HTRA3: variants seen among roughly 807,000 people sequenced by gnomAD.
The protein encoded by HTRA3 is HtrA serine peptidase 3.
In HTRA3, 41 loss-of-function variants were observed where a neutral mutation model predicts 43.2. The ratio of observed to expected loss-of-function variants is 0.95; its 90% CI spans 0.74 to 1.23. HTRA3 has a LOEUF of 1.23. Among genes scored for constraint, HTRA3 ranks in the 50% most tolerant of loss-of-function variants. HTRA3 has a pLI of 0.00. For missense variants in HTRA3, 628 were observed against 647.1 expected, an observed-to-expected ratio of 0.97 and a Z score of 0.32; for synonymous variants, 295 against 287.9, an observed-to-expected ratio of 1.02 and a Z score of -0.25.
chr4:8,292,191 C>T lies in HTRA3; in HGVS notation c.904-130C>T, dbSNP rs1713273221. 2.2e-5 allele frequency: 16 copies of T among 725,580 alleles called. No homozygotes were observed. The South Asian group carries it at 2.5e-4, about 12-fold the overall frequency. 44.9% of individuals were successfully genotyped at this position (725,580 alleles called of 1,614,324 possible). A position where few individuals can be genotyped will look rare whatever the true frequency, so the allele number is the denominator to read the frequency against. On this transcript the variant is annotated intron_variant, in intron 4 of 8. Coordinates refer to ENST00000307358, the MANE Select transcript of HTRA3 (RefSeq NM_053044.5). ...CTGTGAAATGGGGGCAGCACTGAGGCCTTTCGATGCTGCTGAGGATGAGAC... is the reference window on the plus strand; with the variant it reads ...CTGTGAAATGGGGGCAGCACTGAGGTCTTTCGATGCTGCTGAGGATGAGAC...
Position 8,296,979 on chromosome 4 carries a change from T to C in HTRA3, c.1051+2778T>C, listed in dbSNP as rs1231559901. 6.6e-6 allele frequency among the ~76,000 whole-genome samples: 1 copy of C among 152,052 alleles called. No individual in the cohort carries two copies. Among genetic ancestry groups the C allele is most frequent in the African/African-American group, 2.4e-5 (1 of 41,364 alleles). ...TAGTCTCAGAAGTCACAGGGTCCTG[T>C]GGTCTCAAAAACCGTAAGTTTCCCT... On this transcript the variant is annotated intron_variant, in intron 6 of 8. Transcript: ENST00000307358. This position sits in a 1 kb window ranked among gnomAD's most constrained non-coding sequence, Gnocchi z 5.3.
intron 6 of HTRA3, among the ~76,000 whole-genome samples, chr4:8,294,978 C>T (rs1323163848): frequency 6.6e-6 from 1 of 151,270 alleles, no homozygotes; most frequent in Non-Finnish European, 1.5e-5. Context: ...ATCCATTTAC[C>T]CATCCATCCA....
At chr4:8,281,150 G>A (rs565316435) in intron 1 of HTRA3, among the ~76,000 whole-genome samples, 1 of 152,338 alleles carries the variant, frequency 6.6e-6, no homozygotes, top group East Asian at 1.9e-4. Context: ...TGGGGATTGT[G>A]TTTGCCCTGT....
At chr4:8,291,838 T>C (rs1410847477) in intron 4 of HTRA3, among the ~76,000 whole-genome samples, 1 of 152,220 alleles carries the variant, frequency 6.6e-6, no homozygotes, top group Non-Finnish European at 1.5e-5. Flanking sequence ...GCAAACACCT[T>C]TGCCCAGCTT....
rs200001924 is a variant in HTRA3 at position 8,302,445 on chromosome 4, G to A, written c.1052-18G>A. 2.5e-5 allele frequency: 41 copies of A among 1,613,630 alleles called. No individual in the cohort carries two copies. In the Middle Eastern group the frequency reaches 2.1e-3, roughly 84 times the overall value. ...TTCACAGCAGCCCTAACGGAGTCTCGCCGTGTTTCATTTCCAGACTGGAAG... is the reference window on the plus strand; with the variant it reads ...TTCACAGCAGCCCTAACGGAGTCTCACCGTGTTTCATTTCCAGACTGGAAG... On this transcript the variant is annotated intron_variant, in intron 6 of 8. Coordinates refer to ENST00000307358, the MANE Select transcript of HTRA3 (RefSeq NM_053044.5).
At chr4:8,304,105 G>T (rs778138396) in intron 7 of HTRA3, 79 bp from the exon 8 acceptor site, 9 of 1,142,128 alleles carry the variant, frequency 7.9e-6, no homozygotes, top group Non-Finnish European at 1.2e-5. Context: ...TCTGGTGCTG[G>T]AGGGAGGGAG....
chr4:8,294,222 G>T, intron 6 of HTRA3, 21 bp downstream of exon 6: 1 of 1,555,010 alleles, frequency 6.4e-7, no homozygotes. Flanking sequence ...CACCTGGAGG[G>T]GGCCAGAGGC....
intron 8 of HTRA3, among the ~76,000 whole-genome samples, chr4:8,304,652 T>G (rs200111297): frequency 0.013 from 894 of 71,132 alleles, 14 homozygotes; most frequent in South Asian, 0.026. Context: ...TGTTTTTTTT[T>G]TTTTTTTTTT....
chr4:8,286,894 G>C lies in HTRA3; in HGVS notation c.708+111G>C. The stretch of plus-strand genomic sequence containing the variant: ...AGCCCCACCTTCCATCAGCCAGGGG[G>C]AGGAAACTGGGCCCAGGGAGGACTG... On this transcript the variant is annotated intron_variant, in intron 3 of 8. Coordinates refer to ENST00000307358, the MANE Select transcript of HTRA3 (RefSeq NM_053044.5). The surrounding 1 kb of genome is among the most constrained non-coding windows in gnomAD (Gnocchi z 4.9). 1.3e-6 allele frequency: 1 copy of C among 788,658 alleles called. No homozygotes were observed. The highest frequency in any genetic ancestry group is 1.7e-5 in the South Asian group (1 of 57,826). The allele number at this position is 788,658 out of a possible 1,614,324, so 48.9% of individuals were successfully genotyped here. A position where few individuals can be genotyped will look rare whatever the true frequency, so the allele number is the denominator to read the frequency against.
At chr4:8,291,675 C>T (rs563818478) in intron 4 of HTRA3, 111 bp downstream of exon 4, 54 of 716,632 alleles carry the variant, frequency 7.5e-5, no homozygotes, top group Admixed American at 4.2e-4. Context: ...TTCTGGCACT[C>T]GACACATCCA....
chr4:8,280,170 G>T (rs1013223604), intron 1 of HTRA3, among the ~76,000 whole-genome samples: 1 of 152,146 alleles, frequency 6.6e-6, no homozygotes, highest in South Asian at 2.1e-4. Flanking sequence ...AAGGCCACAC[G>T]GTAGGAGAGG....
chr4:8,296,948 G>T lies in HTRA3; in HGVS notation c.1051+2747G>T, dbSNP rs1298252260. Reference sequence around the variant, plus strand: ...ATTCCTCGATCTCAGAGGCCACAGGGTTCCTTAGTCTCAGAAGTCACAGGG... The same window carrying T: ...ATTCCTCGATCTCAGAGGCCACAGGTTTCCTTAGTCTCAGAAGTCACAGGG... On this transcript the variant is annotated intron_variant, in intron 6 of 8. Coordinates refer to ENST00000307358, the MANE Select transcript of HTRA3 (RefSeq NM_053044.5). The surrounding 1 kb of genome is among the most constrained non-coding windows in gnomAD (Gnocchi z 5.3). Among the ~76,000 whole-genome samples, 1 of 152,090 alleles carries T rather than the reference G, an allele frequency of 6.6e-6. No homozygotes were observed. The highest frequency in any genetic ancestry group is 1.5e-5 in the Non-Finnish European group (1 of 68,000).
In HTRA3 at chr4:8,306,459, CCT is replaced by C. The variant is rs1314848898; in HGVS notation, c.*324_*325del. The C allele has an allele frequency of 3.9e-6, 1 of 257,806 alleles. No homozygotes were observed. Among genetic ancestry groups the C allele is most frequent in the East Asian group, 9.1e-5 (1 of 11,016 alleles). 16.0% of individuals were successfully genotyped at this position (257,806 alleles called of 1,614,324 possible). A position where few individuals can be genotyped will look rare whatever the true frequency, so the allele number is the denominator to read the frequency against. ...CCTCTCCTAGCTTCCCGCCTCTGCCCCTGTGAACACCCATCTGCAGTATCCCC... is the reference window on the plus strand; with the variant it reads ...CCTCTCCTAGCTTCCCGCCTCTGCCCGTGAACACCCATCTGCAGTATCCCC... On this transcript the variant is annotated 3_prime_UTR_variant, in exon 9 of 9. Coordinates refer to ENST00000307358, the MANE Select transcript of HTRA3 (RefSeq NM_053044.5). This position sits in a 1 kb window ranked among gnomAD's most constrained non-coding sequence, Gnocchi z 8.9.
chr4:8,295,041 C>A lies in HTRA3; in HGVS notation c.1051+840C>A, dbSNP rs1294502347. 6.6e-6 allele frequency among the ~76,000 whole-genome samples: 1 copy of A among 151,896 alleles called. No homozygotes were observed. The highest frequency in any genetic ancestry group is 1.5e-5 in the Non-Finnish European group (1 of 67,964). ...ATCCACCCACCTATCCACCCATTCA[C>A]CCACCTGGCCACCATTTCTTCCTTC... is the stretch of plus-strand genomic sequence containing the variant. On this transcript the variant is annotated intron_variant, in intron 6 of 8. Coordinates refer to ENST00000307358, the MANE Select transcript of HTRA3 (RefSeq NM_053044.5). The surrounding 1 kb of genome is among the most constrained non-coding windows in gnomAD (Gnocchi z 6.9).
chr4:8,277,225 A>G (rs1712564107), intron 1 of HTRA3, among the ~76,000 whole-genome samples: 2 of 152,296 alleles, frequency 1.3e-5, no homozygotes, highest in South Asian at 4.1e-4. Flanking sequence ...ACTAGGGGAC[A>G]GGCAAGTTTT....
intron 4 of HTRA3, among the ~76,000 whole-genome samples, chr4:8,292,037 C>T (rs1026726085): frequency 1.3e-5 from 2 of 152,152 alleles, no homozygotes; most frequent in Non-Finnish European, 2.9e-5. Flanking sequence ...GAAGTAATAC[C>T]CCCATTCTCC....
rs1043243050 is a variant in HTRA3 at position 8,269,931 on chromosome 4, G to T, written c.-38G>T. On this transcript the variant is annotated 5_prime_UTR_variant, in exon 1 of 9. Coordinates refer to ENST00000307358, the MANE Select transcript of HTRA3 (RefSeq NM_053044.5). The stretch of plus-strand genomic sequence containing the variant: ...TCGTTGTCCCCGCCGGCCCCCGCCC[G>T]GTCTCCCGCGCTGCCACCCGCCGCC... 4 of 1,003,788 alleles carry T rather than the reference G, an allele frequency of 4.0e-6. No homozygotes were observed. The African/African-American group carries it at 7.0e-5, about 17-fold the overall frequency. The allele number at this position is 1,003,788 out of a possible 1,614,324, so 62.2% of individuals were successfully genotyped here. A position where few individuals can be genotyped will look rare whatever the true frequency, so the allele number is the denominator to read the frequency against.
At chr4:8,304,321 C>G (rs755948103) in intron 8 of HTRA3, 42 bp downstream of exon 8, 2 of 1,536,438 alleles carry the variant, frequency 1.3e-6, no homozygotes, top group South Asian at 1.1e-5. Flanking sequence ...ATGGGGCAGG[C>G]GTGAGGTCTG....
At chr4:8,272,140 G>T (rs1005146104) in intron 1 of HTRA3, among the ~76,000 whole-genome samples, 1 of 152,180 alleles carries the variant, frequency 6.6e-6, no homozygotes, top group Non-Finnish European at 1.5e-5. Flanking sequence ...GAATAGGGCT[G>T]CAGGGCTCAG....
Sources: allele counts gnomAD v4.1 joint callset (sites outside exome capture counted in the v4.1 genomes callset), GRCh38; gene constraint gnomAD v4.1.1; non-coding constraint Gnocchi (gnomAD v3.1); transcripts MANE v1.5; gene names NCBI Gene and HGNC (gene_info 2026-07-23, HGNC 2026-07-21).